The following LGSN variants were observed in gnomAD, a reference collection of about 807,000 sequenced individuals.
The protein encoded by LGSN is lengsin, lens protein with glutamine synthetase domain.
In LGSN, 21 loss-of-function variants were observed where a neutral mutation model predicts 19.5. That is an observed-to-expected ratio of 1.07 (90% CI 0.76 to 1.55). The LOEUF is 1.55. Ranked by LOEUF, LGSN falls within the 40% of genes most tolerant of loss-of-function variation. The pLI, the probability that LGSN is intolerant of heterozygous loss-of-function variation, is 0.00. For synonymous variants in LGSN, 257 were observed against 215.6 expected (o/e 1.19, Z -1.68); for missense variants, 673 against 608.5 (o/e 1.11, Z -1.12).
intron 1 of LGSN, 71 bp from the exon 2 acceptor site, chr6:63,295,116 G>T: frequency 6.9e-7 from 1 of 1,459,762 alleles, no homozygotes; most frequent in Non-Finnish European, 9.6e-7. Context: ...TGTCGAAAGA[G>T]TATATTTGAA....
chr6:63,446,772 G>C, the LGSN span, among the ~76,000 whole-genome samples: 1 of 152,132 alleles, frequency 6.6e-6, no homozygotes, highest in Non-Finnish European at 1.5e-5. Flanking sequence ...AAGTACGGCC[G>C]GGAGCAGTGG....
the LGSN span, among the ~76,000 whole-genome samples, chr6:63,356,041 A>G: frequency 2.1e-5 from 3 of 144,500 alleles, no homozygotes; most frequent in African/African-American, 8.6e-5. Context: ...TTCTACGCAC[A>G]TCTATATATA....
At chr6:63,341,908 G>C in the LGSN span, among the ~76,000 whole-genome samples, 2 of 152,166 alleles carry the variant, frequency 1.3e-5, no homozygotes, top group African/African-American at 4.8e-5. Flanking sequence ...AAGCATAGAT[G>C]TGTGTCCTCT....
At chr6:63,507,132 C>T in the LGSN span, among the ~76,000 whole-genome samples, 1 of 152,204 alleles carries the variant, frequency 6.6e-6, no homozygotes, top group African/African-American at 2.4e-5. Flanking sequence ...CATAACATTG[C>T]CTGCCTGGAG....
chr6:63,571,209 G>A, the LGSN span: 2 of 152,130 alleles, frequency 1.3e-5, no homozygotes, highest in African/African-American at 4.8e-5. Flanking sequence ...AGTTAAGAAA[G>A]TTGAATAACT....
At chr6:63,554,387 C>T in the LGSN span, among the ~76,000 whole-genome samples, 1 of 152,162 alleles carries the variant, frequency 6.6e-6, no homozygotes, top group Non-Finnish European at 1.5e-5. Context: ...AGACTGTAGT[C>T]CCAAATCCTT....
At chr6:63,517,630 A>T in the LGSN span, among the ~76,000 whole-genome samples, 1 of 152,140 alleles carries the variant, frequency 6.6e-6, no homozygotes, top group Non-Finnish European at 1.5e-5. Context: ...ATCAACACAC[A>T]CACACATGCA....
At chr6:63,405,257 A>C in the LGSN span, among the ~76,000 whole-genome samples, 1 of 152,036 alleles carries the variant, frequency 6.6e-6, no homozygotes, top group Non-Finnish European at 1.5e-5. Flanking sequence ...ATAGTGCCAC[A>C]ATAAACATAC....
the LGSN span, among the ~76,000 whole-genome samples, chr6:63,463,836 A>C: frequency 6.6e-5 from 10 of 152,334 alleles, no homozygotes; most frequent in Middle Eastern, 3.4e-3. Flanking sequence ...CATCTAATTT[A>C]ATACTTGAAC....
chr6:63,555,522 G>A, the LGSN span, among the ~76,000 whole-genome samples: 1 of 151,964 alleles, frequency 6.6e-6, no homozygotes. Flanking sequence ...AGCTGCTGCT[G>A]CAATCATAGT....
the LGSN span, among the ~76,000 whole-genome samples, chr6:63,544,693 T>C: frequency 6.6e-6 from 1 of 152,280 alleles, no homozygotes; most frequent in South Asian, 2.1e-4. Context: ...CCAAGAATGT[T>C]TCTCAGTTTG....
the LGSN span, among the ~76,000 whole-genome samples, chr6:63,565,009 C>A: frequency 6.6e-6 from 1 of 152,070 alleles, no homozygotes; most frequent in Non-Finnish European, 1.5e-5. Context: ...TCCATCATTT[C>A]TTTTTTGTTT....
chr6:63,429,117 C>T, the LGSN span, among the ~76,000 whole-genome samples: 4 of 152,142 alleles, frequency 2.6e-5, no homozygotes. Context: ...AGCATGGTCC[C>T]ATTAGCACAA....
the LGSN span, among the ~76,000 whole-genome samples, chr6:63,450,725 T>G: frequency 6.6e-6 from 1 of 150,898 alleles, no homozygotes; most frequent in African/African-American, 2.4e-5. Flanking sequence ...CAGACTGGAG[T>G]GTAGCAGGGC....
intron 2 of LGSN, among the ~76,000 whole-genome samples, chr6:63,287,024 A>G (rs980492759): frequency 6.6e-6 from 1 of 152,212 alleles, no homozygotes; most frequent in Non-Finnish European, 1.5e-5. Context: ...ATTGATGTTG[A>G]GCAGCTATAA....
At chr6:63,401,513 TA>T in the LGSN span, among the ~76,000 whole-genome samples, 8 of 152,074 alleles carry the variant, frequency 5.3e-5, no homozygotes, top group Middle Eastern at 6.8e-3. Context: ...TTAATCAAAC[TA>T]AGAGTGACAA....
chr6:63,464,154 A>T, the LGSN span, among the ~76,000 whole-genome samples: 2 of 152,140 alleles, frequency 1.3e-5, no homozygotes, highest in Non-Finnish European at 2.9e-5. Flanking sequence ...ATTAAAAAAA[A>T]AAATAAGTTT....
the LGSN span, among the ~76,000 whole-genome samples, chr6:63,330,234 A>T: frequency 1.3e-5 from 2 of 152,226 alleles, no homozygotes; most frequent in Non-Finnish European, 2.9e-5. Context: ...CACACTGATA[A>T]TAAGCCCTAC....
In LGSN at chr6:63,279,964, G is replaced by C; in HGVS notation, c.*57C>G. 1 of 1,445,452 alleles carries C rather than the reference G, an allele frequency of 6.9e-7. No individual in the cohort carries two copies. Among genetic ancestry groups the C allele is most frequent in the Admixed American group, 2.3e-5 (1 of 42,584 alleles). 89.5% of individuals were successfully genotyped at this position (1,445,452 alleles called of 1,614,324 possible). ...TACAAAAGTTCAGTCTTTTTGTTTT[G>C]GTAGATTAGCTTTAAGTAACAATTA... On this transcript the variant is annotated 3_prime_UTR_variant, in exon 4 of 4. Transcript: ENST00000370657.
Sources: allele counts gnomAD v4.1 joint callset (sites outside exome capture counted in the v4.1 genomes callset), GRCh38; gene constraint gnomAD v4.1.1; transcripts MANE v1.5; gene names NCBI Gene and HGNC (gene_info 2026-07-23, HGNC 2026-07-21).